Variants in MXD3 observed in about 807,000 individuals in gnomAD.
The protein encoded by MXD3 is MAX dimerization protein 3.
A neutral mutation model predicts 27.5 loss-of-function variants in MXD3; 20 were observed. That is an observed-to-expected ratio of 0.73 (90% CI 0.51 to 1.06). The LOEUF (loss-of-function observed/expected upper bound fraction) is 1.06, where lower values mean the gene tolerates loss of function less well. Ranked by LOEUF, MXD3 falls within the 50% of genes least tolerant of loss-of-function variation. The pLI is 0.00. For missense variants in MXD3, 298 were observed against 291.3 expected, an observed-to-expected ratio of 1.02 and a Z score of -0.17; for synonymous variants, 150 against 130.7, an observed-to-expected ratio of 1.15 and a Z score of -1.01.
At chr5:177,311,070 G>A (rs1239358247) in intron 2 of MXD3, 2 of 538,048 alleles carry the variant, frequency 3.7e-6, no homozygotes, top group African/African-American at 3.8e-5. Flanking sequence ...GGGGAGAGGA[G>A]AGAAGAGGAG....
At chr5:177,312,160 C>T, upstream of MXD3, 1 of 1,042,450 alleles carries the variant, frequency 9.6e-7, no homozygotes, top group Non-Finnish European at 1.2e-6. Flanking sequence ...CCACCCACGC[C>T]GGCTCATTGG....
chr5:177,307,108 G>C, downstream of MXD3: 4 of 1,500,308 alleles, frequency 2.7e-6, no homozygotes, highest in Non-Finnish European at 3.6e-6. Context: ...TGCCTGGCAC[G>C]GCCAACAGTG....
At chr5:177,306,971 G>A (rs1042320771), downstream of MXD3, 14 of 1,242,174 alleles carry the variant, frequency 1.1e-5, no homozygotes, top group African/African-American at 1.1e-4. Flanking sequence ...CTCTGGAGTC[G>A]GAAGGCTCTG....
At chr5:177,306,362 G>T, downstream of MXD3, 1 of 1,610,652 alleles carries the variant, frequency 6.2e-7, no homozygotes. Flanking sequence ...TCATGGGGGA[G>T]GGAAATTAGG....
At chr5:177,310,288 A>C (rs1207113040) in intron 4 of MXD3, 138 bp downstream of exon 4, 2 of 634,120 alleles carry the variant, frequency 3.2e-6, no homozygotes, top group South Asian at 2.1e-5. Flanking sequence ...TGGAAAGTAA[A>C]AGCTCAGAGA....
intron 4 of MXD3, among the ~76,000 whole-genome samples, chr5:177,309,155 C>T (rs1163800131): frequency 1.3e-5 from 2 of 152,194 alleles, no homozygotes; most frequent in African/African-American, 4.8e-5. Flanking sequence ...ACTGGCAAGT[C>T]CTGGGTTATG....
At chr5:177,308,837 C>T (rs1310155869) in intron 4 of MXD3, among the ~76,000 whole-genome samples, 1 of 152,208 alleles carries the variant, frequency 6.6e-6, no homozygotes, top group Non-Finnish European at 1.5e-5. Context: ...AGCGTGAAGG[C>T]GTTAGCACCC....
downstream of MXD3, chr5:177,305,568 C>T (rs1355481774): frequency 2.8e-6 from 1 of 361,750 alleles, no homozygotes; most frequent in African/African-American, 2.1e-5. Flanking sequence ...GCGGCTAAAA[C>T]ACTGCATGCG....
chr5:177,310,672 G>T lies in MXD3; in HGVS notation c.202C>A (p.Arg68Ser). The T allele has an allele frequency of 6.2e-7, 1 of 1,614,184 alleles. No individual in the cohort carries two copies. The highest frequency in any genetic ancestry group is 1.1e-5 in the South Asian group (1 of 91,088). The change falls in exon 3 of 6, where the codon CGC (arginine) becomes AGC (serine). Residue 68 changes from arginine (R) to serine (S), a missense_variant. Physicochemically the swap from Arg to Ser is moderately radical, Grantham distance 110. Coordinates refer to ENST00000439742, the MANE Select transcript of MXD3 (RefSeq NM_031300.4). ...CAGGGCAGGACTGGGACTCACCTGC[G>T]CTTCTCCAGTTCATTGTGCACTGAC... is the stretch of plus-strand genomic sequence containing the variant. ...GRSVHNELEK[R>S]RRAQLKRCLE...
chr5:177,307,929 G>C lies in MXD3; in HGVS notation c.357C>G (p.Leu119=). ...LEDQEQRARQ[L]KERLRSKQQS... is the part of the protein sequence containing the mutation. The stretch of plus-strand genomic sequence containing the variant: ...GCTGCTTGCTGCGCAGCCTCTCCTT[G>C]AGCTGTCGGGCCCGCTGCTCCTGAT... The change falls in exon 5 of 6, where the codon CTC becomes CTG. Residue 119 remains leucine (L), a synonymous_variant. Transcript: ENST00000439742. The C allele has an allele frequency of 6.3e-7, 1 of 1,585,078 alleles. No individual in the cohort carries two copies. The highest frequency in any genetic ancestry group is 2.3e-5 in the East Asian group (1 of 43,900).
At chr5:177,307,065 A>G, downstream of MXD3, 4 of 1,459,044 alleles carry the variant, frequency 2.7e-6, no homozygotes, top group Non-Finnish European at 3.6e-6. Context: ...AAGTGGAGAC[A>G]GAACAGCCTC....
chr5:177,310,730 A>G (rs763564619), intron 2 of MXD3, 33 bp from the exon 3 acceptor site: 15 of 1,613,244 alleles, frequency 9.3e-6, no homozygotes, highest in Non-Finnish European at 1.3e-5. Context: ...GGTGAAGGGG[A>G]ATCAGCTACT....
downstream of MXD3, chr5:177,306,544 C>A (rs778485653): frequency 2.6e-5 from 42 of 1,609,792 alleles, 2 homozygotes; most frequent in South Asian, 4.1e-4. Flanking sequence ...CACCAAGAAG[C>A]AGCAGCAGCA....
At chr5:177,311,943 C>T, upstream of MXD3, 1 of 1,250,114 alleles carries the variant, frequency 8.0e-7, no homozygotes, top group Non-Finnish European at 1.0e-6. Flanking sequence ...GCCCGCCCCG[C>T]CCCCGGGACG....
downstream of MXD3, chr5:177,307,147 C>T (rs1372631368): frequency 5.8e-6 from 9 of 1,539,594 alleles, no homozygotes; most frequent in East Asian, 2.0e-4. Context: ...ATTATTTCCT[C>T]TTCCAGTGGG....
intron 2 of MXD3, 146 bp from the exon 3 acceptor site, chr5:177,310,843 G>A (rs983898606): frequency 2.7e-5 from 24 of 887,918 alleles, no homozygotes; most frequent in Non-Finnish European, 3.7e-5. Context: ...TCAGACACCA[G>A]AGTCCCCTGG....
In MXD3 at chr5:177,311,861, G is replaced by C; in HGVS notation, c.-31C>G. ...CGACAGCTGGCGGCGGGCCGGCCTA[G>C]GGTGCCGGCCGGAGCAAGCGGCTGC... On this transcript the variant is annotated 5_prime_UTR_variant, in exon 1 of 6. Coordinates refer to ENST00000439742, the MANE Select transcript of MXD3 (RefSeq NM_031300.4). 6.2e-7 allele frequency: 1 copy of C among 1,604,450 alleles called. No individual in the cohort carries two copies. The highest frequency in any genetic ancestry group is 8.5e-7 in the Non-Finnish European group (1 of 1,175,708).
In MXD3 at chr5:177,307,830, G is replaced by A; in HGVS notation, c.456C>T (p.Asp152=). 6.2e-7 allele frequency: 1 copy of A among 1,612,062 alleles called. No homozygotes were observed. Among genetic ancestry groups the A allele is most frequent in the Non-Finnish European group, 8.5e-7 (1 of 1,179,552 alleles). The part of the protein sequence containing the change: ...GAAERERLRA[D]SLDSSGLSSE... ...AGGAGAGGCCTGAGGAGTCCAGACTGTCCGCCCGCAGCCGCTCCCGCTCGG... is the reference window on the plus strand; with the variant it reads ...AGGAGAGGCCTGAGGAGTCCAGACTATCCGCCCGCAGCCGCTCCCGCTCGG... The change falls in exon 5 of 6, where the codon GAC becomes GAT. Residue 152 remains aspartate, a synonymous_variant. Transcript: ENST00000439742.
chr5:177,306,913 C>T, downstream of MXD3: 1 of 782,976 alleles, frequency 1.3e-6, no homozygotes, highest in Admixed American at 3.0e-5. Context: ...CAGTATCTAG[C>T]ACATAATAGA....
Sources: allele counts gnomAD v4.1 joint callset (sites outside exome capture counted in the v4.1 genomes callset), GRCh38; gene constraint gnomAD v4.1.1; transcripts MANE v1.5; gene names NCBI Gene and HGNC (gene_info 2026-07-23, HGNC 2026-07-21).